The following KSR2 variants were observed in gnomAD, a reference collection of about 807,000 sequenced individuals.
The protein encoded by KSR2 is kinase suppressor of ras 2.
Under a neutral mutation model 107.8 loss-of-function variants are expected in KSR2, and 25 were observed. The observed-to-expected ratio is 0.23, with a 90% CI of 0.17 to 0.32. The LOEUF (loss-of-function observed/expected upper bound fraction) is 0.32. Ranked by LOEUF, KSR2 falls within the 10% of genes least tolerant of loss-of-function variation. The pLI, the probability that KSR2 is intolerant of heterozygous loss-of-function variation, is 1.00. For synonymous variants in KSR2, 480 were observed against 507.0 expected (o/e 0.95, Z 0.71); for missense variants, 887 against 1,268.9 (o/e 0.70, Z 4.57).
chr12:117,794,386 T>G (rs374880891), intron 3 of KSR2, among the ~76,000 whole-genome samples: 7 of 40,212 alleles, frequency 1.7e-4, no homozygotes, highest in African/African-American at 6.6e-4. Flanking sequence ...CACACCAACA[T>G]GCACACTCAC....
chr12:117,592,575 G>T (rs1176612645), intron 5 of KSR2, among the ~76,000 whole-genome samples: 1 of 152,196 alleles, frequency 6.6e-6, no homozygotes, highest in East Asian at 1.9e-4. Context: ...GTCATCACCT[G>T]TGATTTATTT....
At chr12:117,665,075 A>C (rs1354524118) in intron 5 of KSR2, among the ~76,000 whole-genome samples, 1 of 152,164 alleles carries the variant, frequency 6.6e-6, no homozygotes, top group African/African-American at 2.4e-5. Flanking sequence ...ACACTCACTC[A>C]TTCTTCCACT....
At chr12:117,763,706 C>T (rs919458869) in intron 3 of KSR2, among the ~76,000 whole-genome samples, 2 of 152,154 alleles carry the variant, frequency 1.3e-5, no homozygotes, top group African/African-American at 4.8e-5. Context: ...AACAGGAAGC[C>T]ATTGGGAGTT....
intron 4 of KSR2, among the ~76,000 whole-genome samples, chr12:117,703,329 G>C (rs1435705963): frequency 6.6e-6 from 1 of 152,142 alleles, no homozygotes; most frequent in African/African-American, 2.4e-5. Flanking sequence ...GTAGGGTAAG[G>C]TGCATGAGGT....
chr12:117,472,069 C>T (rs1871494752), intron 17 of KSR2, among the ~76,000 whole-genome samples: 1 of 151,824 alleles, frequency 6.6e-6, no homozygotes, highest in African/African-American at 2.4e-5. Context: ...AGTCCTGATT[C>T]TATTTATACT....
At position 117,471,196 on chromosome 12, in the gene KSR2, T is replaced by C; in HGVS notation, c.2707A>G (p.Ile903Val). The change falls in exon 18 of 20, where the codon ATC becomes GTC. Residue 903 changes from isoleucine to valine, a missense_variant. Transcript: ENST00000339824. Reference protein sequence around the residue: ...NLSQIGMGKEISDILLFCWAF... With the variant: ...NLSQIGMGKEVSDILLFCWAF... ...GGACCTATCTTGGGACTTACCGAGA[T>C]TTCTTTTCCCATGCCAATCTGGCTG... 6.2e-7 allele frequency: 1 copy of C among 1,613,918 alleles called. No individual in the cohort carries two copies. The highest frequency in any genetic ancestry group is 8.5e-7 in the Non-Finnish European group (1 of 1,179,834).
intron 1 of KSR2, among the ~76,000 whole-genome samples, chr12:117,875,351 T>TTTTTA (rs397932710): frequency 1.4e-4 from 20 of 144,946 alleles, no homozygotes; most frequent in East Asian, 6.7e-4. Flanking sequence ...TTTTTTTTTT[T>TTTTTA]AAGAACGAAA....
At chr12:117,741,145 A>G (rs147538913) in intron 4 of KSR2, among the ~76,000 whole-genome samples, 1 of 152,298 alleles carries the variant, frequency 6.6e-6, no homozygotes, top group Non-Finnish European at 1.5e-5. Context: ...ATCTGGGACA[A>G]TTTGAGCATC....
rs558854131 is a variant in KSR2, at chr12:117,728,272, C to T, written c.986+32739G>A. Reference sequence around the variant, plus strand: ...GGTAAATCAGGAAGCATGTCCTCTTCCATAAAGATAAGGGGCAAATAAGGG... The same window carrying T: ...GGTAAATCAGGAAGCATGTCCTCTTTCATAAAGATAAGGGGCAAATAAGGG... On this transcript the variant is annotated intron_variant, in intron 4 of 19. Coordinates refer to ENST00000339824, the MANE Select transcript of KSR2 (RefSeq NM_173598.6). Among the ~76,000 whole-genome samples, 32 of 152,166 alleles carry T rather than the reference C, an allele frequency of 2.1e-4. 1 individual carries two copies. Among genetic ancestry groups the T allele is most frequent in the African/African-American group, 7.0e-4 (29 of 41,438 alleles).
intron 4 of KSR2, among the ~76,000 whole-genome samples, chr12:117,724,547 T>A (rs891968961): frequency 6.6e-6 from 1 of 152,004 alleles, no homozygotes; most frequent in African/African-American, 2.4e-5. Context: ...ACAACAAGCA[T>A]CATCTCTCTG....
chr12:117,488,123 T>A (rs991167327), intron 14 of KSR2, among the ~76,000 whole-genome samples: 2 of 152,182 alleles, frequency 1.3e-5, no homozygotes, highest in Non-Finnish European at 2.9e-5. Context: ...CTTGCCACCA[T>A]GTAAGACGTG....
intron 1 of KSR2, among the ~76,000 whole-genome samples, chr12:117,950,961 T>C (rs749763283): frequency 9.2e-5 from 14 of 152,058 alleles, no homozygotes; most frequent in Admixed American, 1.3e-4. Flanking sequence ...TCACCCAGGC[T>C]GGAGTGCAGT....
intron 3 of KSR2, among the ~76,000 whole-genome samples, chr12:117,818,040 G>A (rs969702423): frequency 1.3e-5 from 2 of 152,052 alleles, no homozygotes; most frequent in African/African-American, 2.4e-5. Context: ...GACAGAGGTT[G>A]CAGTGAGCCA....
At position 117,944,324 on chromosome 12, in the gene KSR2, C is replaced by T. The variant is rs182261944; in HGVS notation, c.180+23752G>A. Among the ~76,000 whole-genome samples, 158 of 152,190 alleles carry T rather than the reference C, an allele frequency of 1.0e-3. 1 individual carries two copies. Among genetic ancestry groups the T allele is most frequent in the African/African-American group, 3.4e-3 (142 of 41,522 alleles). ...CCGGGAGACGGAGGTTGCGGTGAGC[C>T]GAGATCGTGCCATTGCACTCCAGCC... On this transcript the variant is annotated intron_variant, in intron 1 of 19. Transcript: ENST00000339824.
chr12:117,500,739 C>G (rs1465477767), intron 14 of KSR2, among the ~76,000 whole-genome samples: 1 of 152,230 alleles, frequency 6.6e-6, no homozygotes, highest in African/African-American at 2.4e-5. Context: ...TTTCATCCTC[C>G]CGTCCCTCCA....
intron 1 of KSR2, among the ~76,000 whole-genome samples, chr12:117,951,665 G>C (rs995375716): frequency 2.6e-5 from 4 of 152,170 alleles, no homozygotes; most frequent in Non-Finnish European, 5.9e-5. Flanking sequence ...CTGGATCAGA[G>C]ACTCATCAGA....
chr12:117,741,976 G>A (rs916230394), intron 4 of KSR2, among the ~76,000 whole-genome samples: 1 of 152,198 alleles, frequency 6.6e-6, no homozygotes, highest in Admixed American at 6.5e-5. Context: ...GGACAGTGAA[G>A]AGATGTGGCA....
rs749212582 is a variant in KSR2, at chr12:117,667,477, C to T, written c.1168G>A (p.Ala390Thr). 5 of 1,609,774 alleles carry T rather than the reference C, an allele frequency of 3.1e-6. No individual in the cohort carries two copies. Among genetic ancestry groups the T allele is most frequent in the Non-Finnish European group, 4.2e-6 (5 of 1,178,538 alleles). Residue 390 changes from alanine to threonine, a missense_variant, in exon 5 of 20, where the codon GCA becomes ACA. By Grantham distance (58) the Ala-to-Thr change is moderately conservative. Transcript: ENST00000339824. ...GCAGCCCGGCAGGGTGACTTACTTG[C>T]AGAGAAGTTGGCCTCAGTGTGAACA... The part of the protein sequence containing the change: ...PPVHTEANFS[A>T]NTLSVPRWSP...
intron 3 of KSR2, among the ~76,000 whole-genome samples, chr12:117,831,902 G>A (rs1447126970): frequency 6.6e-6 from 1 of 152,200 alleles, no homozygotes; most frequent in Non-Finnish European, 1.5e-5. Context: ...TCCCTTGACT[G>A]CCATAACCTT....
Sources: gnomAD v4.1 joint callset for allele counts (sites outside exome capture counted in the v4.1 genomes callset) on GRCh38, gnomAD v4.1.1 for gene constraint, MANE v1.5 for transcripts, NCBI Gene and HGNC (gene_info 2026-07-23, HGNC 2026-07-21) for gene names.